The following SPTBN5 variants were observed in gnomAD, a reference collection of about 807,000 sequenced individuals.
The protein encoded by SPTBN5 is spectrin beta, non-erythrocytic 5.
In SPTBN5, 513 loss-of-function variants were observed where a neutral mutation model predicts 477.6. The observed-to-expected ratio is 1.07, with a 90% confidence interval of 1.00 to 1.16. The LOEUF is 1.16. Ranked by LOEUF, SPTBN5 falls within the 50% of genes most tolerant of loss-of-function variation. SPTBN5 has a pLI of 0.00. For missense variants in SPTBN5, 5,062 were observed against 4,731.8 expected (o/e 1.07, Z -2.05); for synonymous variants, 2,169 against 2,011.7 (o/e 1.08, Z -2.09).
rs555337540 is a variant in SPTBN5, at chr15:41,879,626, G to A, written c.2942+108C>T. ...GTCCCTTGCCCCTTCCCTGTGCCTCGGACACGTCCAGCCTCTCCATCTGGC... is the reference window on the plus strand; with the variant it reads ...GTCCCTTGCCCCTTCCCTGTGCCTCAGACACGTCCAGCCTCTCCATCTGGC... On this transcript the variant is annotated intron_variant, in intron 15 of 67. Coordinates refer to ENST00000320955, the MANE Select transcript of SPTBN5 (RefSeq NM_016642.4). 3.4e-5 allele frequency: 53 copies of A among 1,575,200 alleles called. No individual in the cohort carries two copies. In the South Asian group the frequency reaches 4.6e-4, roughly 14 times the overall value.
chr15:41,862,977 A>G lies in SPTBN5; in HGVS notation c.7150-74T>C, dbSNP rs753358382. On this transcript the variant is annotated intron_variant, in intron 41 of 67. Coordinates refer to ENST00000320955, the MANE Select transcript of SPTBN5 (RefSeq NM_016642.4). The stretch of plus-strand genomic sequence containing the variant: ...CTCCTTCCTGGCAAAGGGCCCAACC[A>G]GTGGCTTCTGTGTGCACAGCAAGTC... 1,720 of 1,376,878 alleles carry G rather than the reference A, an allele frequency of 1.2e-3. 2 individuals are homozygous for G. Among genetic ancestry groups the G allele is most frequent in the Non-Finnish European group, 1.6e-3 (1,611 of 998,322 alleles). The allele number at this position is 1,376,878 out of a possible 1,614,324, so 85.3% of individuals were successfully genotyped here. A position where few individuals can be genotyped will look rare whatever the true frequency, so the allele number is the denominator to read the frequency against.
chr15:41,881,462 T>TA (rs2066950337), intron 12 of SPTBN5, among the ~76,000 whole-genome samples: 1 of 152,182 alleles, frequency 6.6e-6, no homozygotes, highest in Non-Finnish European at 1.5e-5. Context: ...GTGTGCTGCA[T>TA]ACACAGCTTC....
chr15:41,889,050 C>T (rs1303363172), intron 4 of SPTBN5, among the ~76,000 whole-genome samples: 1 of 152,254 alleles, frequency 6.6e-6, no homozygotes. Context: ...GGGCTGCAGA[C>T]AGACAGAGAC....
chr15:41,885,313 C>T (rs968164060), intron 7 of SPTBN5, among the ~76,000 whole-genome samples: 28 of 152,314 alleles, frequency 1.8e-4, no homozygotes, highest in African/African-American at 5.8e-4. Flanking sequence ...CATGAGCCAC[C>T]GCGCCCGGCC....
At chr15:41,892,024 CCAGCATTCTGCAGCTGG>C (rs964365667) in intron 3 of SPTBN5, among the ~76,000 whole-genome samples, 2 of 152,182 alleles carry the variant, frequency 1.3e-5, no homozygotes, top group African/African-American at 2.4e-5. Context: ...CAACTAGGGC[CCAGCATTCTGCAGCTGG>C]CAGCGTTCTG....
chr15:41,852,516 A>G, intron 61 of SPTBN5, 118 bp downstream of exon 61: 1 of 1,337,382 alleles, frequency 7.5e-7, no homozygotes, highest in Non-Finnish European at 1.1e-6. Context: ...CTGGCCAGGG[A>G]AAGGAGCAGG....
chr15:41,886,149 A>G lies in SPTBN5; in HGVS notation c.1106T>C (p.Leu369Pro), dbSNP rs1390713383. The G allele has an allele frequency of 5.0e-6, 8 of 1,611,942 alleles. No individual in the cohort carries two copies. The highest frequency in any genetic ancestry group is 6.8e-6 in the Non-Finnish European group (8 of 1,179,328). ...GAGTGCTGTCTGTAGCCGGAAGAGC[A>G]GGGCCTCTGCGGCCCCTCGCTGCTG... ...RLQQRGAAEALLFRLQTALQA... is the reference protein window; with the variant it reads ...RLQQRGAAEAPLFRLQTALQA... The change falls in exon 7 of 68, where the codon CTG (leucine) becomes CCG (proline). Residue 369 changes from leucine to proline, a missense_variant. Coordinates refer to ENST00000320955, the MANE Select transcript of SPTBN5 (RefSeq NM_016642.4).
intron 39 of SPTBN5, among the ~76,000 whole-genome samples, chr15:41,864,494 C>A (rs564068036): frequency 5.3e-5 from 8 of 152,266 alleles, no homozygotes; most frequent in South Asian, 2.1e-4. Flanking sequence ...TTGTATTTTT[C>A]GTAGAGATGG....
At chr15:41,852,509 G>A (rs1011739482) in intron 61 of SPTBN5, 125 bp downstream of exon 61, 9 of 1,312,202 alleles carry the variant, frequency 6.9e-6, no homozygotes, top group African/African-American at 5.8e-5. Flanking sequence ...ACCGCAGCTG[G>A]CCAGGGAAAG....
chr15:41,869,193 G>A (rs907178337), intron 32 of SPTBN5, among the ~76,000 whole-genome samples: 2 of 152,224 alleles, frequency 1.3e-5, no homozygotes, highest in Non-Finnish European at 2.9e-5. Context: ...TAAACTCTAA[G>A]TGCATGACAA....
At position 41,857,387 on chromosome 15, in the gene SPTBN5, C is replaced by G; in HGVS notation, c.8472G>C (p.Glu2824Asp). 12 of 1,582,298 alleles carry G rather than the reference C, an allele frequency of 7.6e-6. No homozygotes were observed. The highest frequency in any genetic ancestry group is 1.0e-5 in the Non-Finnish European group (12 of 1,164,266). The change falls in exon 51 of 68, where the codon GAG (glutamate) becomes GAC (aspartate). Residue 2824 changes from glutamate to aspartate, a missense_variant. Physicochemically the swap from Glu to Asp is conservative, Grantham distance 45. Coordinates refer to ENST00000320955, the MANE Select transcript of SPTBN5 (RefSeq NM_016642.4). ...CCAGCTCCCTCTGTGTGCCCAGGAG[C>G]TCGCCCACCCCAGGCAGGGCCTGGC... ...TVGQALPGVG[E>D]LLGTQRELEA...
Position 41,862,634 on chromosome 15 carries a change from G to C in SPTBN5, c.7290C>G (p.Leu2430=), listed in dbSNP as rs552479655. 5.1e-6 allele frequency: 8 copies of C among 1,555,756 alleles called. No individual in the cohort carries two copies. The African/African-American group carries it at 1.1e-4, about 21-fold the overall frequency. Residue 2430 remains leucine, a synonymous_variant, in exon 43 of 68, where the codon CTC becomes CTG. Transcript: ENST00000320955. The part of the protein sequence containing the change: ...VESLEREVGR[L]CQRSPEAAHG... Reference sequence around the variant, plus strand: ...GGGCTGCCTCGGGGCTTCTTTGGCAGAGGCGGCCCACTTCACGCTCTAGGG... The same window carrying C: ...GGGCTGCCTCGGGGCTTCTTTGGCACAGGCGGCCCACTTCACGCTCTAGGG...
intron 66 of SPTBN5, 145 bp from the exon 67 acceptor site, chr15:41,850,104 G>C (rs1477818880): frequency 2.9e-6 from 2 of 694,956 alleles, no homozygotes. Context: ...GTGGGGGTGT[G>C]GGGCGGGCTG....
intron 41 of SPTBN5, among the ~76,000 whole-genome samples, chr15:41,863,407 A>G (rs2140930144): frequency 6.6e-6 from 1 of 152,286 alleles, no homozygotes; most frequent in Admixed American, 6.5e-5. Flanking sequence ...GGGAGGAAAC[A>G]GAGAGTGTGT....
Position 41,855,386 on chromosome 15 carries a change from G to C in SPTBN5, c.9261C>G (p.His3087Gln), listed in dbSNP as rs543269481. The C allele has an allele frequency of 6.2e-7, 1 of 1,604,664 alleles. No homozygotes were observed. The highest frequency in any genetic ancestry group is 1.1e-5 in the South Asian group (1 of 91,018). Reference protein sequence around the residue: ...LAQLQAVREAHAELLRRAEAR... With the variant: ...LAQLQAVREAQAELLRRAEAR... ...CCTCCGCCCTCCGCAGCAGCTCTGC[G>C]TGGGCCTCCCGAACTGCCTGCAGCT... Residue 3087 changes from histidine to glutamine, a missense_variant, in exon 55 of 68, where the codon CAC becomes CAG. By Grantham distance (24) the His-to-Gln change is conservative (BLOSUM62 0). Coordinates refer to ENST00000320955, the MANE Select transcript of SPTBN5 (RefSeq NM_016642.4).
At chr15:41,882,761 G>A (rs776234952) in intron 9 of SPTBN5, 23 bp from the exon 10 acceptor site, 1 of 1,602,684 alleles carries the variant, frequency 6.2e-7, no homozygotes, top group South Asian at 1.1e-5. Context: ...AGGGGCCACC[G>A]AAGGACATGG....
rs777033101 is a variant in SPTBN5 at position 41,856,898 on chromosome 15, A to G, written c.8763T>C (p.Tyr2921=). 3.9e-6 allele frequency: 6 copies of G among 1,552,404 alleles called. No homozygotes were observed. Among genetic ancestry groups the G allele is most frequent in the Admixed American group, 2.0e-5 (1 of 51,248 alleles). ...GCCGCACCGCACTCAGGCTCTGGCCATAGTCCTGGGCAGCGGCCAGAGGCA... is the reference window on the plus strand; with the variant it reads ...GCCGCACCGCACTCAGGCTCTGGCCGTAGTCCTGGGCAGCGGCCAGAGGCA... ...EKLPLAAAQD[Y]GQSLSAVRHL... The change falls in exon 52 of 68, where the codon TAT becomes TAC. Residue 2921 remains tyrosine, a synonymous_variant. Transcript: ENST00000320955.
At chr15:41,864,178 G>A (rs746233265) in intron 39 of SPTBN5, among the ~76,000 whole-genome samples, 154 bp from the exon 40 acceptor site, 2 of 152,214 alleles carry the variant, frequency 1.3e-5, no homozygotes, top group East Asian at 1.9e-4. Context: ...CCTCTACTGC[G>A]GCAGGTCCCT....
intron 67 of SPTBN5, among the ~76,000 whole-genome samples, chr15:41,849,126 T>C (rs1447750462): frequency 1.3e-5 from 2 of 152,130 alleles, no homozygotes; most frequent in Non-Finnish European, 2.9e-5. Flanking sequence ...GCACGGAGGA[T>C]TTGCCTGTCT....
Sources: allele counts gnomAD v4.1 joint callset (sites outside exome capture counted in the v4.1 genomes callset), GRCh38; gene constraint gnomAD v4.1.1; transcripts MANE v1.5; gene names NCBI Gene and HGNC (gene_info 2026-07-23, HGNC 2026-07-21).